CCDC154: variants seen among roughly 807,000 people sequenced by gnomAD.
CCDC154 encodes the protein coiled-coil domain containing 154, also known as coiled-coil domain-containing protein 154.
A neutral mutation model predicts 87.5 loss-of-function variants in CCDC154; 91 were observed. The ratio of observed to expected loss-of-function variants is 1.04; its 90% CI spans 0.88 to 1.24. CCDC154 has a LOEUF of 1.24. CCDC154 is among the 50% of genes most tolerant of loss of function. The pLI is 0.00. For missense variants in CCDC154, 903 were observed against 879.2 expected (o/e 1.03, Z -0.34); for synonymous variants, 418 against 400.4 (o/e 1.04, Z -0.52).
At position 1,437,805 on chromosome 16, in the gene CCDC154, T is replaced by G. The variant is rs1381373709; in HGVS notation, c.1290+12A>C. 18 of 1,522,582 alleles carry G rather than the reference T, an allele frequency of 1.2e-5. No individual in the cohort carries two copies. Among genetic ancestry groups the G allele is most frequent in the Admixed American group, 9.9e-5 (5 of 50,346 alleles). The allele number at this position is 1,522,582 out of a possible 1,614,324, so 94.3% of individuals were successfully genotyped here. ...CATAGCCCCGCCTGCCCCCGCCCGC[T>G]GCCTGGCGCACCTCGGACAGCCTGA... On this transcript the variant is annotated intron_variant, in intron 11 of 16. Coordinates refer to ENST00000389176, the MANE Select transcript of CCDC154 (RefSeq NM_001143980.3).
Position 1,438,746 on chromosome 16 carries a change from G to A in CCDC154, c.907-9C>T, listed in dbSNP as rs1169905389. 7.7e-6 allele frequency: 12 copies of A among 1,548,954 alleles called. No individual in the cohort carries two copies. The highest frequency in any genetic ancestry group is 1.7e-4 in the Middle Eastern group (1 of 5,846). The stretch of plus-strand genomic sequence containing the variant: ...TCCAGGAGGTGGCTCTCCTGCCAGG[G>A]GGTGGAGGCCGCCCTGAGACCTGCA... On this transcript the variant is annotated splice_polypyrimidine_tract_variant and intron_variant, in intron 8 of 16. Coordinates refer to ENST00000389176, the MANE Select transcript of CCDC154 (RefSeq NM_001143980.3).
chr16:1,438,224 C>T (rs1232402370), intron 9 of CCDC154, 48 bp from the exon 10 acceptor site: 1 of 1,465,672 alleles, frequency 6.8e-7, no homozygotes, highest in Non-Finnish European at 9.1e-7. Flanking sequence ...CTGCCCACCT[C>T]TCAGCCCTGG....
At chr16:1,444,210 C>T in intron 1 of CCDC154, 106 bp downstream of exon 1, 1 of 1,198,426 alleles carries the variant, frequency 8.3e-7, no homozygotes, top group Non-Finnish European at 1.1e-6. Flanking sequence ...CACTGGGCGG[C>T]AGGAACAAGC....
intron 11 of CCDC154, chr16:1,437,285 T>A: frequency 5.5e-6 from 1 of 180,246 alleles, no homozygotes. Context: ...CGTGCGTGGC[T>A]CTGTTTCCTG....
intron 5 of CCDC154, 69 bp downstream of exon 5, chr16:1,442,811 G>T: frequency 6.9e-7 from 1 of 1,441,280 alleles, no homozygotes; most frequent in Non-Finnish European, 9.4e-7. Context: ...CCCGTGTCTT[G>T]GCTCAGCCAG....
rs2038485921 is a variant in CCDC154, at chr16:1,434,818, A to G, written c.1727T>C (p.Val576Ala). The change falls in exon 16 of 17, where the codon GTG becomes GCG. Residue 576 changes from valine to alanine, a missense_variant. Coordinates refer to ENST00000389176, the MANE Select transcript of CCDC154 (RefSeq NM_001143980.3). ...TQEMATLWES[V>A]LRLWSEEGPR... ...GCCCTCCTCACTCCACAGCCGGAGCACACTCTCCCACAGGGTGGCCATCTC... is the reference window on the plus strand; with the variant it reads ...GCCCTCCTCACTCCACAGCCGGAGCGCACTCTCCCACAGGGTGGCCATCTC... 1.3e-6 allele frequency: 2 copies of G among 1,531,470 alleles called. No homozygotes were observed. Among genetic ancestry groups the G allele is most frequent in the Admixed American group, 2.0e-5 (1 of 50,164 alleles). The allele number at this position is 1,531,470 out of a possible 1,614,324, so 94.9% of individuals were successfully genotyped here.
chr16:1,441,197 G>A (rs894477020), intron 6 of CCDC154, among the ~76,000 whole-genome samples: 1 of 152,178 alleles, frequency 6.6e-6, no homozygotes, highest in African/African-American at 2.4e-5. Context: ...TCAGGGAAAG[G>A]CAGACGCCCT....
chr16:1,434,816 G>A lies in CCDC154; in HGVS notation c.1729C>T (p.Leu577Phe), dbSNP rs1350936935. ...QEMATLWESV[L>F]RLWSEEGPRT... The stretch of plus-strand genomic sequence containing the variant: ...GGGCCCTCCTCACTCCACAGCCGGA[G>A]CACACTCTCCCACAGGGTGGCCATC... The change falls in exon 16 of 17, where the codon CTC becomes TTC. Residue 577 changes from leucine to phenylalanine, a missense_variant. By Grantham distance (22) the Leu-to-Phe change is conservative. Coordinates refer to ENST00000389176, the MANE Select transcript of CCDC154 (RefSeq NM_001143980.3). The A allele has an allele frequency of 2.6e-6, 4 of 1,533,594 alleles. No individual in the cohort carries two copies. In the African/African-American group the frequency reaches 5.5e-5, roughly 21 times the overall value. 95.0% of individuals were successfully genotyped at this position (1,533,594 alleles called of 1,614,324 possible).
intron 9 of CCDC154, 196 bp downstream of exon 9, chr16:1,438,423 G>C (rs1190371254): frequency 1.4e-6 from 1 of 723,124 alleles, no homozygotes; most frequent in African/African-American, 1.8e-5. Context: ...CCCCAGGGAG[G>C]GCAGGCTGGG....
rs1196614274 is a variant in CCDC154, at chr16:1,439,029, T to C, written c.773A>G (p.Glu258Gly). Residue 258 changes from glutamate to glycine, a missense_variant, in exon 7 of 17, where the codon GAG becomes GGG. By Grantham distance (98) the Glu-to-Gly change is moderately conservative. Coordinates refer to ENST00000389176, the MANE Select transcript of CCDC154 (RefSeq NM_001143980.3). Reference sequence around the variant, plus strand: ...CAGCCGCGGGCAGGCTCCCACCTTCTCCAGGGCCAGGAAGCTCTTCTGCAG... The same window carrying C: ...CAGCCGCGGGCAGGCTCCCACCTTCCCCAGGGCCAGGAAGCTCTTCTGCAG... ...GFLQKSFLAL[E>G]KRMKASESSR... 1 of 1,550,146 alleles carries C rather than the reference T, an allele frequency of 6.5e-7. No individual in the cohort carries two copies. The highest frequency in any genetic ancestry group is 2.0e-5 in the Admixed American group (1 of 50,992).
chr16:1,443,709 G>C lies in CCDC154; in HGVS notation c.225-14C>G, dbSNP rs1223169733. On this transcript the variant is annotated splice_polypyrimidine_tract_variant and intron_variant, in intron 2 of 16. Transcript: ENST00000389176. Reference sequence around the variant, plus strand: ...AGCTCCACCACCCTGGCCGGGGCGAGAGTGGGCGAGTCTGGCGGTGCCCGC... The same window carrying C: ...AGCTCCACCACCCTGGCCGGGGCGACAGTGGGCGAGTCTGGCGGTGCCCGC... 95 of 1,297,802 alleles carry C rather than the reference G, an allele frequency of 7.3e-5. 1 individual carries two copies. Among genetic ancestry groups the C allele is most frequent in the Non-Finnish European group, 9.0e-5 (89 of 993,606 alleles). 80.4% of individuals were successfully genotyped at this position (1,297,802 alleles called of 1,614,324 possible). A position where few individuals can be genotyped will look rare whatever the true frequency, so the allele number is the denominator to read the frequency against.
Position 1,442,390 on chromosome 16 carries a change from C to T in CCDC154, c.675+16G>A. On this transcript the variant is annotated intron_variant, in intron 6 of 16. Coordinates refer to ENST00000389176, the MANE Select transcript of CCDC154 (RefSeq NM_001143980.3). ...GCCCTCTGGGCGGCCCCCCTGAAGC[C>T]TGGGCCTGGTGGTACCTGCATTCTG... The T allele has an allele frequency of 6.5e-7, 1 of 1,540,640 alleles. No individual in the cohort carries two copies. The highest frequency in any genetic ancestry group is 8.8e-7 in the Non-Finnish European group (1 of 1,142,238).
rs2038527890 is a variant in CCDC154, at chr16:1,439,013, G to A, written c.777+12C>T. 15 of 1,550,038 alleles carry A rather than the reference G, an allele frequency of 9.7e-6. No individual in the cohort carries two copies. In the East Asian group the frequency reaches 3.7e-4, roughly 38 times the overall value. ...GGGGGGCAGGGCAGGCCAGCCGCGG[G>A]CAGGCTCCCACCTTCTCCAGGGCCA... On this transcript the variant is annotated intron_variant, in intron 7 of 16. Coordinates refer to ENST00000389176, the MANE Select transcript of CCDC154 (RefSeq NM_001143980.3).
chr16:1,443,476 G>A (rs1273339279), intron 3 of CCDC154, 30 bp downstream of exon 3: 2 of 1,444,318 alleles, frequency 1.4e-6, no homozygotes, highest in Admixed American at 2.8e-5. Flanking sequence ...GAAAGGGGCA[G>A]CTCGACCTGT....
chr16:1,435,247 G>T, intron 14 of CCDC154, 72 bp from the exon 15 acceptor site: 1 of 1,328,798 alleles, frequency 7.5e-7, no homozygotes. Context: ...CAGGCACCCC[G>T]ATATCCACTG....
In CCDC154 at chr16:1,438,078, C is replaced by T. The variant is rs145873417; in HGVS notation, c.1124G>A (p.Arg375Gln). The T allele has an allele frequency of 1.8e-3, 2,782 of 1,548,586 alleles. 6 individuals carry two copies. The highest frequency in any genetic ancestry group is 2.1e-3 in the Non-Finnish European group (2,463 of 1,145,956). The change falls in exon 10 of 17, where the codon CGG becomes CAG. Residue 375 changes from arginine to glutamine, a missense_variant. Transcript: ENST00000389176. Reference sequence around the variant, plus strand: ...CACCAGCTCTCCATGCATCTCCTGCCGGGCCAGCTCGCCAGCCAGCTGTGC... The same window carrying T: ...CACCAGCTCTCCATGCATCTCCTGCTGGGCCAGCTCGCCAGCCAGCTGTGC... ...EAAQLAGELA[R>Q]QEMHGELVLL...
chr16:1,439,817 T>C (rs974747618), intron 6 of CCDC154, among the ~76,000 whole-genome samples: 3 of 152,060 alleles, frequency 2.0e-5, no homozygotes, highest in African/African-American at 4.8e-5. Context: ...ACAGTAGACA[T>C]TGACAACATG....
chr16:1,438,471 G>C (rs981476380), intron 9 of CCDC154, 148 bp downstream of exon 9: 2 of 810,670 alleles, frequency 2.5e-6, no homozygotes, highest in Non-Finnish European at 3.9e-6. Flanking sequence ...AGGAGGGTTC[G>C]CACCATCCAG....
Position 1,443,518 on chromosome 16 carries a change from C to A in CCDC154, c.402G>T (p.Lys134Asn). 1 of 1,473,848 alleles carries A rather than the reference C, an allele frequency of 6.8e-7. No homozygotes were observed. The highest frequency in any genetic ancestry group is 1.4e-5 in the African/African-American group (1 of 70,116). The allele number at this position is 1,473,848 out of a possible 1,614,324, so 91.3% of individuals were successfully genotyped here. The change falls in exon 3 of 17, where the codon AAG (lysine) becomes AAT (asparagine). Residue 134 changes from lysine to asparagine, a missense_variant. Transcript: ENST00000389176. ...EARPAAQAPE[K>N]EAPEFSGLQN... ...GGGAGCCGCTCACCTCCGGCGCCTCCTTTTCGGGGGCCTGGGCTGCCGGCC... is the reference window on the plus strand; with the variant it reads ...GGGAGCCGCTCACCTCCGGCGCCTCATTTTCGGGGGCCTGGGCTGCCGGCC...
Sources: gnomAD v4.1 joint callset for allele counts (sites outside exome capture counted in the v4.1 genomes callset) on GRCh38, gnomAD v4.1.1 for gene constraint, MANE v1.5 for transcripts, NCBI Gene and HGNC (gene_info 2026-07-23, HGNC 2026-07-21) for gene names.